Variants in LRP1B observed in about 807,000 individuals in gnomAD.
LRP1B encodes the protein low-density lipoprotein receptor-related protein 1B.
In LRP1B, 217 loss-of-function variants were observed where a neutral mutation model predicts 556.6. The ratio of observed to expected loss-of-function variants is 0.39; its 90% CI spans 0.35 to 0.44. The LOEUF is 0.44. Among genes scored for constraint, LRP1B ranks in the 20% least tolerant of loss-of-function variants. LRP1B has a pLI of 1.00. For missense variants in LRP1B, 5,053 were observed against 5,620.8 expected (o/e 0.90, Z 3.23); for synonymous variants, 2,047 against 1,865.8 (o/e 1.10, Z -2.50).
intron 1 of LRP1B, among the ~76,000 whole-genome samples, chr2:141,962,299 GA>G (rs917091066): frequency 3.2e-4 from 49 of 151,796 alleles, no homozygotes; most frequent in South Asian, 8.3e-4. Flanking sequence ...ACATGTGGGG[GA>G]AAAATAAGTC....
chr2:140,922,837 T>C, intron 21 of LRP1B, 128 bp downstream of exon 21: 2 of 683,080 alleles, frequency 2.9e-6, no homozygotes, highest in Non-Finnish European at 2.4e-6. Flanking sequence ...CTACTATTAT[T>C]ATACATGAGC....
At chr2:140,479,585 A>AAGTCTTTCTC (rs1348465760) in intron 59 of LRP1B, among the ~76,000 whole-genome samples, 3 of 152,132 alleles carry the variant, frequency 2.0e-5, no homozygotes, top group South Asian at 2.1e-4. Flanking sequence ...GATTAAATAG[A>AAGTCTTTCTC]AGTCTTTCTC....
At chr2:140,851,582 C>A (rs1388607015) in intron 28 of LRP1B, 70 bp downstream of exon 28, 3 of 1,542,180 alleles carry the variant, frequency 1.9e-6, no homozygotes, top group East Asian at 2.3e-5. Context: ...TGAGTAAAAT[C>A]TGAATGCTAA....
intron 69 of LRP1B, among the ~76,000 whole-genome samples, chr2:140,371,605 T>C (rs1683000453): frequency 7.7e-6 from 1 of 129,150 alleles, no homozygotes. Flanking sequence ...TTTGAAGTGT[T>C]ACATGAGTTT....
At chr2:140,263,227 T>G (rs1001018737) in intron 86 of LRP1B, among the ~76,000 whole-genome samples, 1 of 152,076 alleles carries the variant, frequency 6.6e-6, no homozygotes, top group Non-Finnish European at 1.5e-5. Flanking sequence ...TCTGAAAATA[T>G]GTTCTTAATA....
intron 43 of LRP1B, among the ~76,000 whole-genome samples, chr2:140,587,098 A>G (rs911271802): frequency 6.6e-6 from 1 of 152,182 alleles, no homozygotes; most frequent in Non-Finnish European, 1.5e-5. Flanking sequence ...CAACAGCAGA[A>G]TGGAGGAAAT....
At chr2:141,164,944 G>A (rs1449124477) in intron 7 of LRP1B, among the ~76,000 whole-genome samples, 1 of 151,914 alleles carries the variant, frequency 6.6e-6, no homozygotes, top group Non-Finnish European at 1.5e-5. Flanking sequence ...CTGTCTTAAT[G>A]GCCAGGTTTT....
intron 2 of LRP1B, among the ~76,000 whole-genome samples, chr2:141,573,316 A>T (rs1028420792): frequency 1.3e-5 from 2 of 152,214 alleles, no homozygotes; most frequent in African/African-American, 4.8e-5. Flanking sequence ...AGTTACATGG[A>T]AATTGAACAA....
chr2:141,585,802 G>T (rs1687116482), intron 2 of LRP1B, among the ~76,000 whole-genome samples: 1 of 151,884 alleles, frequency 6.6e-6, no homozygotes, highest in African/African-American at 2.4e-5. Flanking sequence ...AGAGATGGGT[G>T]CCTTACTCTG....
chr2:140,283,740 CAAA>C (rs1360121912), intron 84 of LRP1B, among the ~76,000 whole-genome samples: 1 of 151,644 alleles, frequency 6.6e-6, no homozygotes, highest in African/African-American at 2.4e-5. Flanking sequence ...TCAAAATAGT[CAAA>C]AATCAACTCA....
At chr2:141,696,129 T>G (rs1691727364) in intron 2 of LRP1B, among the ~76,000 whole-genome samples, 1 of 151,964 alleles carries the variant, frequency 6.6e-6, no homozygotes, top group African/African-American at 2.4e-5. Context: ...ACAACTTCAC[T>G]AATTTATTCT....
chr2:141,750,942 A>G, intron 2 of LRP1B, among the ~76,000 whole-genome samples: 1 of 152,056 alleles, frequency 6.6e-6, no homozygotes, highest in East Asian at 1.9e-4. Flanking sequence ...AAACCTTTAC[A>G]GTATGTATCT....
intron 1 of LRP1B, among the ~76,000 whole-genome samples, chr2:142,039,197 A>G (rs1035066441): frequency 6.6e-6 from 1 of 151,566 alleles, no homozygotes; most frequent in Non-Finnish European, 1.5e-5. Context: ...GAAATGTGTA[A>G]TAATTGAAAT....
intron 35 of LRP1B, among the ~76,000 whole-genome samples, chr2:140,737,956 C>A (rs991033081): frequency 6.6e-6 from 1 of 152,156 alleles, no homozygotes. Flanking sequence ...CTGATCCATG[C>A]ACTTTTTCCA....
intron 2 of LRP1B, among the ~76,000 whole-genome samples, chr2:141,715,501 T>C (rs1268961825): frequency 2.6e-5 from 4 of 151,954 alleles, no homozygotes; most frequent in Non-Finnish European, 5.9e-5. Flanking sequence ...GTTAGCAATT[T>C]CTGTGGTTTC....
rs553082304 is a variant in LRP1B, at chr2:140,572,522, T to C, written c.7194+26109A>G. ...AAATGTGTGGAAAGGGGGACTCATA[T>C]ACTGTTGGTGGGAACATAAAACAGC... On this transcript the variant is annotated intron_variant, in intron 43 of 90. Coordinates refer to ENST00000389484, the MANE Select transcript of LRP1B (RefSeq NM_018557.3). 5.3e-5 allele frequency among the ~76,000 whole-genome samples: 8 copies of C among 151,686 alleles called. No individual in the cohort carries two copies. In the South Asian group the frequency reaches 1.5e-3, roughly 28 times the overall value.
At chr2:141,649,425 A>G (rs1297071744) in intron 2 of LRP1B, among the ~76,000 whole-genome samples, 1 of 152,204 alleles carries the variant, frequency 6.6e-6, no homozygotes, top group East Asian at 1.9e-4. Flanking sequence ...CCCATTTACC[A>G]TACCTTATTA....
chr2:141,716,778 C>T (rs1349263537), intron 2 of LRP1B, among the ~76,000 whole-genome samples: 1 of 152,162 alleles, frequency 6.6e-6, no homozygotes, highest in Non-Finnish European at 1.5e-5. Flanking sequence ...TGATTCTAGA[C>T]TAATATGTCT....
At chr2:140,701,663 A>AC in intron 40 of LRP1B, 58 bp downstream of exon 40, 1 of 1,518,460 alleles carries the variant, frequency 6.6e-7, no homozygotes. Flanking sequence ...ATGTTTTTAA[A>AC]AATTGGAGAG....
Sources: gnomAD v4.1 joint callset for allele counts (sites outside exome capture counted in the v4.1 genomes callset) on GRCh38, gnomAD v4.1.1 for gene constraint, MANE v1.5 for transcripts, NCBI Gene and HGNC (gene_info 2026-07-23, HGNC 2026-07-21) for gene names.